The following GULP1 variants were observed in gnomAD, a reference collection of about 807,000 sequenced individuals.
GULP1 encodes the protein GULP PTB domain containing engulfment adaptor 1.
GULP1 carries 19 observed loss-of-function variants against 40.9 expected under a neutral mutation model. The observed-to-expected ratio is 0.46, with a 90% CI of 0.32 to 0.68. The LOEUF (loss-of-function observed/expected upper bound fraction) is 0.68. GULP1 is among the 30% of genes least tolerant of loss of function. The pLI is 0.03. For missense variants in GULP1, 312 were observed against 362.2 expected, an observed-to-expected ratio of 0.86 and a Z score of 1.12; for synonymous variants, 119 against 117.6, an observed-to-expected ratio of 1.01 and a Z score of -0.08.
intron 2 of GULP1, among the ~76,000 whole-genome samples, chr2:188,418,124 TA>T (rs572940911): frequency 1.3e-5 from 2 of 151,948 alleles, no homozygotes; most frequent in East Asian, 1.9e-4. Flanking sequence ...TGTTTTTATT[TA>T]AAAAAAATTA....
intron 2 of GULP1, among the ~76,000 whole-genome samples, chr2:188,422,805 G>T (rs998087023): frequency 6.6e-6 from 1 of 152,048 alleles, no homozygotes; most frequent in Non-Finnish European, 1.5e-5. Context: ...TCAGGTTATA[G>T]ATATAATAAA....
chr2:188,510,134 G>A (rs997899073), intron 4 of GULP1, among the ~76,000 whole-genome samples: 2 of 152,022 alleles, frequency 1.3e-5, no homozygotes, highest in East Asian at 1.9e-4. Flanking sequence ...AGAGCTCAGA[G>A]GGCACTTGAA....
chr2:188,553,669 C>T (rs963267040), intron 7 of GULP1, among the ~76,000 whole-genome samples: 3 of 151,890 alleles, frequency 2.0e-5, no homozygotes, highest in African/African-American at 2.4e-5. Context: ...TGATCTTGGC[C>T]TTATAGAATG....
intron 2 of GULP1, among the ~76,000 whole-genome samples, chr2:188,452,939 A>G (rs1417340029): frequency 1.3e-5 from 2 of 152,196 alleles, no homozygotes; most frequent in East Asian, 1.9e-4. Flanking sequence ...GGAGGATTGT[A>G]TGTAAAACAG....
At chr2:188,420,678 G>C (rs1050331230) in intron 2 of GULP1, among the ~76,000 whole-genome samples, 1 of 152,184 alleles carries the variant, frequency 6.6e-6, no homozygotes, top group Non-Finnish European at 1.5e-5. Context: ...CTGTCTGTGA[G>C]GCTGAGTCCA....
intron 2 of GULP1, among the ~76,000 whole-genome samples, chr2:188,405,821 A>G (rs1178281223): frequency 6.6e-6 from 1 of 152,216 alleles, no homozygotes; most frequent in Non-Finnish European, 1.5e-5. Context: ...GCTTACCCAA[A>G]CAAAACTAGT....
At chr2:188,318,311 A>G (rs1026652539) in intron 1 of GULP1, among the ~76,000 whole-genome samples, 2 of 150,640 alleles carry the variant, frequency 1.3e-5, no homozygotes, top group Non-Finnish European at 3.0e-5. Flanking sequence ...TAAATTTTTT[A>G]TAGCTAGTAG....
At chr2:188,519,230 G>A (rs1396705419) in intron 4 of GULP1, among the ~76,000 whole-genome samples, 1 of 152,104 alleles carries the variant, frequency 6.6e-6, no homozygotes, top group Non-Finnish European at 1.5e-5. Context: ...ATTACACAAA[G>A]GATTTAATTA....
intron 4 of GULP1, among the ~76,000 whole-genome samples, chr2:188,491,777 T>C (rs778066654): frequency 2.6e-5 from 4 of 152,088 alleles, no homozygotes; most frequent in Non-Finnish European, 5.9e-5. Flanking sequence ...TCTCAGCCCT[T>C]AGGCAACATA....
intron 7 of GULP1, among the ~76,000 whole-genome samples, chr2:188,568,063 T>C (rs1022554681): frequency 6.6e-6 from 1 of 152,114 alleles, no homozygotes; most frequent in Admixed American, 6.5e-5. Flanking sequence ...CTTTAAAATA[T>C]TATGTACATA....
intron 2 of GULP1, among the ~76,000 whole-genome samples, chr2:188,429,140 G>A (rs190297674): frequency 2.8e-4 from 43 of 152,156 alleles, no homozygotes; most frequent in African/African-American, 7.7e-4. Flanking sequence ...ACTGTCATCC[G>A]CTCTCAGGTC....
intron 7 of GULP1, among the ~76,000 whole-genome samples, chr2:188,562,000 G>A (rs2153413509): frequency 6.6e-6 from 1 of 152,240 alleles, no homozygotes; most frequent in South Asian, 2.1e-4. Flanking sequence ...TTGTTTCTCA[G>A]CCCCACCCGT....
At chr2:188,438,899 G>A (rs768479255) in intron 2 of GULP1, among the ~76,000 whole-genome samples, 4 of 151,534 alleles carry the variant, frequency 2.6e-5, no homozygotes, top group Admixed American at 1.3e-4. Context: ...AAAGAGAAAT[G>A]CCTTCACTTA....
At chr2:188,549,611 G>T (rs1392252865) in intron 7 of GULP1, among the ~76,000 whole-genome samples, 1 of 151,736 alleles carries the variant, frequency 6.6e-6, no homozygotes, top group Non-Finnish European at 1.5e-5. Flanking sequence ...ACATGCAGCT[G>T]TCCTATGAAA....
At chr2:188,364,391 T>A (rs539309096) in intron 1 of GULP1, among the ~76,000 whole-genome samples, 1 of 152,288 alleles carries the variant, frequency 6.6e-6, no homozygotes, top group Admixed American at 6.5e-5. Flanking sequence ...TTCAGAATAC[T>A]ACCACGCTCA....
At chr2:188,577,101 A>ACC (rs2153448339) in intron 9 of GULP1, among the ~76,000 whole-genome samples, 1 of 152,216 alleles carries the variant, frequency 6.6e-6, no homozygotes, top group South Asian at 2.1e-4. Flanking sequence ...TTTTAACCAA[A>ACC]CCAGACTATT....
intron 2 of GULP1, among the ~76,000 whole-genome samples, chr2:188,457,791 A>G (rs562112944): frequency 1.3e-5 from 2 of 152,306 alleles, no homozygotes; most frequent in South Asian, 4.1e-4. Context: ...GCATTCTTCT[A>G]CTTAAGCAAA....
At chr2:188,332,599 C>T (rs2041755239) in intron 1 of GULP1, among the ~76,000 whole-genome samples, 1 of 152,080 alleles carries the variant, frequency 6.6e-6, no homozygotes, top group African/African-American at 2.4e-5. Context: ...GAAAAAGTGG[C>T]ATAAATAACA....
chr2:188,565,050 G>T (rs559420587), intron 7 of GULP1, among the ~76,000 whole-genome samples: 1 of 151,968 alleles, frequency 6.6e-6, no homozygotes, highest in African/African-American at 2.4e-5. Context: ...ACTATTTGAG[G>T]TGGATCATAG....
Sources: allele counts gnomAD v4.1 joint callset (sites outside exome capture counted in the v4.1 genomes callset), GRCh38; gene constraint gnomAD v4.1.1; transcripts MANE v1.5; gene names NCBI Gene and HGNC (gene_info 2026-07-23, HGNC 2026-07-21).